The following ADAMTS20 variants were observed in gnomAD, a reference collection of about 807,000 sequenced individuals.
ADAMTS20 encodes A disintegrin and metalloproteinase with thrombospondin motifs 20.
A neutral mutation model predicts 260.1 loss-of-function variants in ADAMTS20; 225 were observed. The observed-to-expected ratio is 0.87, with a 90% CI of 0.78 to 0.97. ADAMTS20 has a LOEUF of 0.97. Ranked by LOEUF, ADAMTS20 falls within the 50% of genes least tolerant of loss-of-function variation. The pLI is 0.00. For missense variants in ADAMTS20, 2,400 were observed against 2,337.7 expected, an observed-to-expected ratio of 1.03 and a Z score of -0.55; for synonymous variants, 802 against 769.5, an observed-to-expected ratio of 1.04 and a Z score of -0.70.
At chr12:43,474,138 A>T (rs1942311356) in intron 7 of ADAMTS20, among the ~76,000 whole-genome samples, 1 of 150,670 alleles carries the variant, frequency 6.6e-6, no homozygotes, top group Non-Finnish European at 1.5e-5. Flanking sequence ...TAGACACAAT[A>T]AAAAATGATA....
At position 43,420,837 on chromosome 12, in the gene ADAMTS20, T is replaced by TC. The variant is rs1565689345; in HGVS notation, c.4284+4676dup. ...TTTTTTTTTTTTTTGAGATGGGGTCTCGGTCTGTCACGCAGGCTGGAATGC... is the reference window on the plus strand; with the variant it reads ...TTTTTTTTTTTTTTGAGATGGGGTCTCCGGTCTGTCACGCAGGCTGGAATGC... On this transcript the variant is annotated intron_variant, in intron 28 of 38. Transcript: ENST00000389420. Among the ~76,000 whole-genome samples, 158 of 140,612 alleles carry TC rather than the reference T, an allele frequency of 1.1e-3. 1 individual carries two copies. Among genetic ancestry groups the TC allele is most frequent in the African/African-American group, 4.0e-3 (153 of 38,352 alleles). The allele number at this position is 140,612 out of a possible 152,430, so 92.2% of individuals were successfully genotyped here.
intron 4 of ADAMTS20, among the ~76,000 whole-genome samples, chr12:43,501,477 G>GCACACACACACACACACACACACACA (rs1299065787): frequency 1.6e-5 from 1 of 62,192 alleles, no homozygotes; most frequent in Non-Finnish European, 3.9e-5. Context: ...GCGCGCGCGC[G>GCACACACACACACACACACACACACA]CGCGCACACA....
intron 4 of ADAMTS20, among the ~76,000 whole-genome samples, chr12:43,498,184 C>A (rs1347130374): frequency 2.0e-5 from 3 of 151,986 alleles, no homozygotes; most frequent in Non-Finnish European, 4.4e-5. Flanking sequence ...TTCCAGAAAC[C>A]TTTAAGTAAG....
intron 37 of ADAMTS20, among the ~76,000 whole-genome samples, chr12:43,366,125 T>C (rs542435068): frequency 1.3e-4 from 20 of 151,788 alleles, no homozygotes; most frequent in African/African-American, 4.6e-4. Flanking sequence ...GCCAAAGATA[T>C]AAATAAGTTG....
At chr12:43,496,916 G>A (rs576197992) in intron 4 of ADAMTS20, among the ~76,000 whole-genome samples, 100 of 152,154 alleles carry the variant, frequency 6.6e-4, no homozygotes, top group African/African-American at 2.0e-3. Context: ...CTATATGACC[G>A]TAGTCCTTAG....
intron 7 of ADAMTS20, among the ~76,000 whole-genome samples, chr12:43,478,446 G>A (rs950387025): frequency 2.0e-5 from 3 of 151,802 alleles, no homozygotes; most frequent in African/African-American, 7.3e-5. Context: ...GGTGAAAACA[G>A]ATAAAATAAT....
At chr12:43,430,823 C>T (rs1180033352) in intron 22 of ADAMTS20, among the ~76,000 whole-genome samples, 2 of 152,038 alleles carry the variant, frequency 1.3e-5, no homozygotes, top group Non-Finnish European at 2.9e-5. Context: ...ATTTAATATA[C>T]TAAGTAAATT....
rs571668975 is a variant in ADAMTS20, at chr12:43,403,838, A to C, written c.4285-4605T>G. On this transcript the variant is annotated intron_variant, in intron 28 of 38. Coordinates refer to ENST00000389420, the MANE Select transcript of ADAMTS20 (RefSeq NM_025003.5). ...TGAGACAGATAGAGAAGAGATGGAG[A>C]GTCGACGTATGAATGTTGTTTCCCG... 1.3e-5 allele frequency among the ~76,000 whole-genome samples: 2 copies of C among 152,116 alleles called. 1 individual carries two copies. The highest frequency in any genetic ancestry group is 4.1e-4 in the South Asian group (2 of 4,824).
chr12:43,493,145 T>G, intron 5 of ADAMTS20, 25 bp downstream of exon 5: 1 of 1,461,924 alleles, frequency 6.8e-7, no homozygotes, highest in Non-Finnish European at 9.4e-7. Flanking sequence ...CAACTAAGGT[T>G]ACTAATTTTA....
chr12:43,493,156 G>A lies in ADAMTS20; in HGVS notation c.951+14C>T, dbSNP rs1179709777. On this transcript the variant is annotated intron_variant, in intron 5 of 38. Transcript: ENST00000389420. ...ACTACAACTAAGGTTACTAATTTTA[G>A]ACCTGTTTCTTACCTCCTCACGGTG... is the stretch of plus-strand genomic sequence containing the variant. 1 of 1,527,408 alleles carries A rather than the reference G, an allele frequency of 6.5e-7. No individual in the cohort carries two copies. Among genetic ancestry groups the A allele is most frequent in the Non-Finnish European group, 8.9e-7 (1 of 1,124,598 alleles). The allele number at this position is 1,527,408 out of a possible 1,614,324, so 94.6% of individuals were successfully genotyped here. A position where few individuals can be genotyped will look rare whatever the true frequency, so the allele number is the denominator to read the frequency against.
intron 19 of ADAMTS20, among the ~76,000 whole-genome samples, chr12:43,433,978 T>C (rs1485757594): frequency 6.6e-6 from 1 of 152,236 alleles, no homozygotes; most frequent in Non-Finnish European, 1.5e-5. Context: ...AACAGTTTAC[T>C]TGTATTTATT....
Position 43,360,888 on chromosome 12 carries a change from G to A in ADAMTS20, c.5539-4300C>T, listed in dbSNP as rs559360435. On this transcript the variant is annotated intron_variant, in intron 37 of 38. Transcript: ENST00000389420. ...ACAACTGACTCTTAACATTCAAACT[G>A]GATGCTGGCCAAGACCCACTGACAT... 3.9e-5 allele frequency among the ~76,000 whole-genome samples: 6 copies of A among 152,212 alleles called. No homozygotes were observed. The East Asian group carries it at 5.8e-4, about 15-fold the overall frequency.
At chr12:43,358,356 A>G (rs967165986) in intron 37 of ADAMTS20, among the ~76,000 whole-genome samples, 1 of 152,190 alleles carries the variant, frequency 6.6e-6, no homozygotes. Context: ...CTCACTTAGA[A>G]AGCTAAATAT....
At chr12:43,422,626 T>C (rs566845730) in intron 28 of ADAMTS20, among the ~76,000 whole-genome samples, 16 of 152,204 alleles carry the variant, frequency 1.1e-4, no homozygotes, top group Non-Finnish European at 1.3e-4. Flanking sequence ...TACAAACCTT[T>C]ATTGTGATTT....
intron 19 of ADAMTS20, 70 bp downstream of exon 19, chr12:43,434,175 C>CACTGTGTTA: frequency 6.9e-7 from 1 of 1,447,790 alleles, no homozygotes; most frequent in East Asian, 2.5e-5. Flanking sequence ...CTGTGTCAGT[C>CACTGTGTTA]ACTGTGTTAG....
Position 43,530,949 on chromosome 12 carries a change from T to C in ADAMTS20, c.613+1087A>G, listed in dbSNP as rs372784377. Reference sequence around the variant, plus strand: ...TATAATATTGATTTAAAAATCACTTTGTAAAACAATGTGGAATTATCTAGT... The same window carrying C: ...TATAATATTGATTTAAAAATCACTTCGTAAAACAATGTGGAATTATCTAGT... On this transcript the variant is annotated intron_variant, in intron 3 of 38. Transcript: ENST00000389420. Among the ~76,000 whole-genome samples, 6 of 152,078 alleles carry C rather than the reference T, an allele frequency of 3.9e-5. No individual in the cohort carries two copies. The East Asian group carries it at 1.2e-3, about 29-fold the overall frequency.
chr12:43,420,811 T>TTTTTTTTTTTTTTTG, intron 28 of ADAMTS20, among the ~76,000 whole-genome samples: 1 of 122,782 alleles, frequency 8.1e-6, no homozygotes. Flanking sequence ...TTTTTTTTTT[T>TTTTTTTTTTTTTTTG]TTTTTTTTTT....
Position 43,453,925 on chromosome 12 carries a change from C to T in ADAMTS20, c.1742G>A (p.Arg581Lys), listed in dbSNP as rs1182666037. ...GACATACTCAGGACGATTACAGCGC[C>T]TGGTTGCACTTTCGATTCCGCCTCC... ...TCGGGIESATRRCNRPEPRNG... is the reference protein window; with the variant it reads ...TCGGGIESATKRCNRPEPRNG... The change falls in exon 12 of 39, where the codon AGG (arginine) becomes AAG (lysine). Residue 581 changes from arginine to lysine, a missense_variant. Coordinates refer to ENST00000389420, the MANE Select transcript of ADAMTS20 (RefSeq NM_025003.5). 6.2e-7 allele frequency: 1 copy of T among 1,607,594 alleles called. No individual in the cohort carries two copies. The highest frequency in any genetic ancestry group is 2.2e-5 in the East Asian group (1 of 44,774).
chr12:43,477,686 C>A (rs1283513059), intron 7 of ADAMTS20, among the ~76,000 whole-genome samples: 1 of 152,070 alleles, frequency 6.6e-6, no homozygotes, highest in Non-Finnish European at 1.5e-5. Flanking sequence ...CACAAGCATG[C>A]AGGCATATGT....
Sources: allele counts gnomAD v4.1 joint callset (sites outside exome capture counted in the v4.1 genomes callset), GRCh38; gene constraint gnomAD v4.1.1; transcripts MANE v1.5; gene names NCBI Gene and HGNC (gene_info 2026-07-23, HGNC 2026-07-21).